Variants in RB1 observed in about 807,000 individuals in gnomAD.
RB1 encodes RB transcriptional corepressor 1.
In RB1, 18 loss-of-function variants were observed where a neutral mutation model predicts 135.4. That is an observed-to-expected ratio of 0.13 (90% CI 0.09 to 0.20). The LOEUF is 0.20. Among genes scored for constraint, RB1 ranks in the 10% least tolerant of loss-of-function variants. The pLI is 1.00. For missense variants in RB1, 868 were observed against 1,110.0 expected, an observed-to-expected ratio of 0.78 and a Z score of 3.10; for synonymous variants, 365 against 373.2, an observed-to-expected ratio of 0.98 and a Z score of 0.25.
At chr13:48,425,697 A>AC (rs2138261553) in intron 17 of RB1, among the ~76,000 whole-genome samples, 1 of 152,270 alleles carries the variant, frequency 6.6e-6, no homozygotes, top group African/African-American at 2.4e-5. Flanking sequence ...TTAAAGGAAA[A>AC]AAAAAATGAC....
chr13:48,342,267 TCTTAA>T, intron 2 of RB1, among the ~76,000 whole-genome samples: 1 of 152,056 alleles, frequency 6.6e-6, no homozygotes, highest in Non-Finnish European at 1.5e-5. Flanking sequence ...ACTCTAGATC[TCTTAA>T]CTTAGCTTCA....
intron 17 of RB1, among the ~76,000 whole-genome samples, chr13:48,381,847 C>T (rs1273744186): frequency 2.6e-5 from 4 of 152,162 alleles, no homozygotes; most frequent in Non-Finnish European, 5.9e-5. Flanking sequence ...CCTCCCTCCT[C>T]TCCCTACCCC....
At chr13:48,353,235 A>G (rs576455088) in intron 6 of RB1, among the ~76,000 whole-genome samples, 3 of 152,148 alleles carry the variant, frequency 2.0e-5, no homozygotes, top group Non-Finnish European at 2.9e-5. Context: ...GAGAAGATAC[A>G]AATAAGATCA....
chr13:48,316,403 C>T (rs1190646866), intron 2 of RB1, among the ~76,000 whole-genome samples: 1 of 152,130 alleles, frequency 6.6e-6, no homozygotes, highest in Admixed American at 6.5e-5. Context: ...CACCGACGGA[C>T]ATTCTCACCA....
At chr13:48,425,933 G>A (rs537485033) in intron 17 of RB1, among the ~76,000 whole-genome samples, 5 of 152,324 alleles carry the variant, frequency 3.3e-5, no homozygotes, top group African/African-American at 7.2e-5. Context: ...GTGATTATTG[G>A]TGGAGAATGA....
At chr13:48,328,393 T>A (rs1952305698) in intron 2 of RB1, 1 of 1,507,016 alleles carries the variant, frequency 6.6e-7, no homozygotes, top group Admixed American at 1.7e-5. Context: ...TGACTACCTA[T>A]GGCAAATCCA....
chr13:48,434,204 T>C (rs1003028634), intron 17 of RB1, among the ~76,000 whole-genome samples: 1 of 151,958 alleles, frequency 6.6e-6, no homozygotes, highest in African/African-American at 2.4e-5. Flanking sequence ...CCTTACACTT[T>C]GGGAGGCTGA....
chr13:48,369,037 G>T (rs747559768), intron 11 of RB1, among the ~76,000 whole-genome samples: 12 of 152,040 alleles, frequency 7.9e-5, no homozygotes, highest in Non-Finnish European at 1.8e-4. Flanking sequence ...TAATCTTTGT[G>T]TGCTGGGCAT....
At chr13:48,349,386 A>G (rs918288131) in intron 6 of RB1, among the ~76,000 whole-genome samples, 14 of 151,890 alleles carry the variant, frequency 9.2e-5, no homozygotes, top group Admixed American at 3.3e-4. Flanking sequence ...TCGGCATTAA[A>G]ATTACATAAT....
intron 17 of RB1, among the ~76,000 whole-genome samples, chr13:48,415,049 T>C (rs1039266340): frequency 2.6e-5 from 4 of 152,162 alleles, no homozygotes; most frequent in Non-Finnish European, 5.9e-5. Flanking sequence ...AGTAATCTTC[T>C]TTCAAATTGA....
rs34822911 is a variant in RB1, at chr13:48,367,118, C to CAAA, written c.940-358_940-356dup. 8.3e-4 allele frequency among the ~76,000 whole-genome samples: 84 copies of CAAA among 101,766 alleles called. 2 individuals are homozygous for CAAA. Among genetic ancestry groups the CAAA allele is most frequent in the South Asian group, 1.4e-3 (4 of 2,888 alleles). 66.8% of individuals were successfully genotyped at this position (101,766 alleles called of 152,430 possible). ...TGGGCGAAAGAGCGAAACTCCATCT[C>CAAA]AAAAAAAAAAAAAAAAAAAAGATTA... On this transcript the variant is annotated intron_variant, in intron 9 of 26. Transcript: ENST00000267163.
intron 2 of RB1, chr13:48,318,691 C>T (rs1407492328): frequency 4.8e-6 from 3 of 618,656 alleles, no homozygotes; most frequent in Non-Finnish European, 8.8e-6. Flanking sequence ...ATGGCATGGC[C>T]GCCGCCTCTA....
intron 2 of RB1, among the ~76,000 whole-genome samples, chr13:48,337,717 T>A (rs1031510450): frequency 7.4e-4 from 113 of 152,340 alleles, no homozygotes; most frequent in African/African-American, 2.7e-3. Flanking sequence ...TTTGATCCTG[T>A]CATTATGATG....
chr13:48,405,108 A>G lies in RB1; in HGVS notation c.1695+23665A>G, dbSNP rs117655380. Among the ~76,000 whole-genome samples the G allele has an allele frequency of 0.012, 1,758 of 152,326 alleles. 67 individuals carry two copies. In the East Asian group the frequency reaches 0.12, roughly 10 times the overall value. ...CACAAAAGGGAAATCATAAGACCTAATAAAAAAACTGTCACACCAGAGCAG... is the reference window on the plus strand; with the variant it reads ...CACAAAAGGGAAATCATAAGACCTAGTAAAAAAACTGTCACACCAGAGCAG... On this transcript the variant is annotated intron_variant, in intron 17 of 26. Transcript: ENST00000267163.
chr13:48,316,490 C>A (rs1214153562), intron 2 of RB1, among the ~76,000 whole-genome samples: 3 of 152,094 alleles, frequency 2.0e-5, no homozygotes, highest in African/African-American at 7.2e-5. Context: ...TAATCTAAGA[C>A]TTGTATGCAG....
Position 48,319,546 on chromosome 13 carries a change from T to C in RB1, c.264+12140T>C. ...GCTGCTGGCTTCGGGCTGCCCTTGT[T>C]CTCCTGCTTGGTCGTGACCCTGGAC... On this transcript the variant is annotated intron_variant, in intron 2 of 26. Coordinates refer to ENST00000267163, the MANE Select transcript of RB1 (RefSeq NM_000321.3). The surrounding 1 kb of genome is among the most constrained non-coding windows in gnomAD (Gnocchi z 5.0). 1 of 262,126 alleles carries C rather than the reference T, an allele frequency of 3.8e-6. No individual in the cohort carries two copies. The highest frequency in any genetic ancestry group is 4.5e-5 in the South Asian group (1 of 22,342). The allele number at this position is 262,126 out of a possible 1,614,324, so 16.2% of individuals were successfully genotyped here. A position where few individuals can be genotyped will look rare whatever the true frequency, so the allele number is the denominator to read the frequency against.
At chr13:48,378,681 T>C (rs1239069866) in intron 13 of RB1, among the ~76,000 whole-genome samples, 1 of 152,158 alleles carries the variant, frequency 6.6e-6, no homozygotes, top group Non-Finnish European at 1.5e-5. Context: ...TTAAGTATTA[T>C]GTACTGTACA....
intron 17 of RB1, among the ~76,000 whole-genome samples, chr13:48,439,329 A>G (rs1159634223): frequency 1.3e-5 from 2 of 152,232 alleles, no homozygotes; most frequent in Non-Finnish European, 2.9e-5. Context: ...ATTAACTAGT[A>G]CTATTATTAA....
intron 24 of RB1, among the ~76,000 whole-genome samples, chr13:48,475,926 T>C (rs1949501426): frequency 6.6e-6 from 1 of 152,200 alleles, no homozygotes; most frequent in Non-Finnish European, 1.5e-5. Context: ...TCTTCAAACA[T>C]TTTTGCTTGC....
Sources: allele counts gnomAD v4.1 joint callset (sites outside exome capture counted in the v4.1 genomes callset), GRCh38; gene constraint gnomAD v4.1.1; non-coding constraint Gnocchi (gnomAD v3.1); transcripts MANE v1.5; gene names NCBI Gene and HGNC (gene_info 2026-07-23, HGNC 2026-07-21).